LRRIQ1: variants seen among roughly 807,000 people sequenced by gnomAD.
LRRIQ1 encodes leucine-rich repeat- and IQ domain-containing protein 1.
In LRRIQ1, 210 loss-of-function variants were observed where a neutral mutation model predicts 211.9. The ratio of observed to expected loss-of-function variants is 0.99; its 90% CI spans 0.89 to 1.11. The LOEUF (loss-of-function observed/expected upper bound fraction) is 1.11, where lower values mean the gene tolerates loss of function less well. Among genes scored for constraint, LRRIQ1 ranks in the 50% most tolerant of loss-of-function variants. LRRIQ1 has a pLI of 0.00. For missense variants in LRRIQ1, 2,136 were observed against 1,939.5 expected, an observed-to-expected ratio of 1.10 and a Z score of -1.90; for synonymous variants, 699 against 650.1, an observed-to-expected ratio of 1.08 and a Z score of -1.14.
intron 24 of LRRIQ1, among the ~76,000 whole-genome samples, chr12:85,181,375 T>C (rs934138348): frequency 6.6e-6 from 1 of 151,914 alleles, no homozygotes; most frequent in Non-Finnish European, 1.5e-5. Context: ...CTTGTGAGTC[T>C]AGGATCTAAT....
chr12:85,252,170 G>C (rs564026695), intron 1 of LRRIQ1, among the ~76,000 whole-genome samples: 2 of 151,816 alleles, frequency 1.3e-5, no homozygotes, highest in African/African-American at 4.8e-5. Context: ...TCATATTAAA[G>C]CCCACAACCT....
intron 18 of LRRIQ1, among the ~76,000 whole-genome samples, chr12:85,128,433 C>T (rs1888534788): frequency 6.6e-6 from 1 of 152,062 alleles, no homozygotes; most frequent in African/African-American, 2.4e-5. Flanking sequence ...GACTCCATAT[C>T]TACAAAAAAT....
chr12:85,080,459 A>ATTT (rs1342339965), intron 11 of LRRIQ1, among the ~76,000 whole-genome samples: 4 of 151,526 alleles, frequency 2.6e-5, no homozygotes. Context: ...TATGAGATGT[A>ATTT]TGTCCTATAC....
intron 19 of LRRIQ1, among the ~76,000 whole-genome samples, chr12:85,140,271 T>C (rs1464684001): frequency 1.3e-5 from 2 of 151,340 alleles, no homozygotes; most frequent in African/African-American, 4.8e-5. Flanking sequence ...AAGAAGTCAG[T>C]TTCTCTTCTT....
intron 26 of LRRIQ1, among the ~76,000 whole-genome samples, chr12:85,238,047 T>C (rs1895273994): frequency 6.6e-6 from 1 of 151,794 alleles, no homozygotes; most frequent in Non-Finnish European, 1.5e-5. Context: ...AGGAAACAGA[T>C]TGAAATCTTA....
At chr12:85,096,158 T>C (rs147623913) in intron 11 of LRRIQ1, among the ~76,000 whole-genome samples, 3 of 152,264 alleles carry the variant, frequency 2.0e-5, no homozygotes, top group Non-Finnish European at 4.4e-5. Context: ...GTCTAAATTA[T>C]GTTTGGTTCT....
chr12:85,158,981 A>G (rs931370154), intron 23 of LRRIQ1, among the ~76,000 whole-genome samples: 8 of 151,632 alleles, frequency 5.3e-5, no homozygotes, highest in Non-Finnish European at 8.8e-5. Context: ...TTTTTTTTCT[A>G]TCTAAAAGTA....
At chr12:85,091,772 G>GAA (rs1885419882) in intron 11 of LRRIQ1, among the ~76,000 whole-genome samples, 1 of 152,068 alleles carries the variant, frequency 6.6e-6, no homozygotes, top group Non-Finnish European at 1.5e-5. Context: ...CACATTGCTT[G>GAA]CTTCTTAAAA....
In LRRIQ1 at chr12:85,109,638, A is replaced by C. The variant is rs77931491; in HGVS notation, c.3377+3023A>C. Among the ~76,000 whole-genome samples the C allele has an allele frequency of 4.0e-3, 610 of 152,234 alleles. 2 individuals carry two copies. Among genetic ancestry groups the C allele is most frequent in the African/African-American group, 0.014 (580 of 41,536 alleles). On this transcript the variant is annotated intron_variant, in intron 15 of 26. Coordinates refer to ENST00000393217, the MANE Select transcript of LRRIQ1 (RefSeq NM_001079910.2). ...CCAGCATCAGTCATCATCACCTGGAAACCCAGCAGAAATGCAGTATTTTTG... is the reference window on the plus strand; with the variant it reads ...CCAGCATCAGTCATCATCACCTGGACACCCAGCAGAAATGCAGTATTTTTG...
chr12:85,183,766 G>C (rs554610740), intron 24 of LRRIQ1, among the ~76,000 whole-genome samples: 1 of 152,076 alleles, frequency 6.6e-6, no homozygotes, highest in African/African-American at 2.4e-5. Flanking sequence ...CAACTGCCAA[G>C]GGAATTAAAC....
Position 85,106,533 on chromosome 12 carries a change from G to A in LRRIQ1, c.3295G>A (p.Ala1099Thr). 6.2e-7 allele frequency: 1 copy of A among 1,605,158 alleles called. No individual in the cohort carries two copies. Among genetic ancestry groups the A allele is most frequent in the Non-Finnish European group, 8.5e-7 (1 of 1,174,026 alleles). ...SHNCLSDLKS[A>T]IKWFDACYSL... ...TTTATTTTCTGTAGATCTTAAAAGT[G>A]CCATAAAATGGTTTGATGCATGCTA... is the stretch of plus-strand genomic sequence containing the variant. Residue 1099 changes from alanine (A) to threonine (T), a missense_variant, in exon 15 of 27, where the codon GCC (alanine) becomes ACC (threonine). Ala to Thr is a moderately conservative substitution (Grantham distance 58). Coordinates refer to ENST00000393217, the MANE Select transcript of LRRIQ1 (RefSeq NM_001079910.2).
chr12:85,143,956 T>G (rs1889716199), intron 19 of LRRIQ1, among the ~76,000 whole-genome samples: 1 of 151,564 alleles, frequency 6.6e-6, no homozygotes, highest in African/African-American at 2.4e-5. Context: ...ATGTGCAGCT[T>G]TGCTATATAG....
intron 17 of LRRIQ1, among the ~76,000 whole-genome samples, chr12:85,126,993 A>T (rs1888412408): frequency 6.6e-6 from 1 of 152,192 alleles, no homozygotes; most frequent in Admixed American, 6.5e-5. Context: ...TAGGTCAAGA[A>T]TTACTAATCT....
chr12:85,153,947 T>C, intron 22 of LRRIQ1, 65 bp from the exon 23 acceptor site: 3 of 1,112,066 alleles, frequency 2.7e-6, no homozygotes, highest in Non-Finnish European at 3.8e-6. Context: ...TGTCTATTTT[T>C]ATATGCATAT....
intron 16 of LRRIQ1, among the ~76,000 whole-genome samples, chr12:85,123,530 A>G (rs1460942725): frequency 6.6e-6 from 1 of 152,122 alleles, no homozygotes; most frequent in East Asian, 1.9e-4. Context: ...TAGAAATCCA[A>G]TCATTGTTCA....
At chr12:85,230,064 T>C (rs1441767525) in intron 25 of LRRIQ1, among the ~76,000 whole-genome samples, 1 of 152,208 alleles carries the variant, frequency 6.6e-6, no homozygotes, top group Non-Finnish European at 1.5e-5. Flanking sequence ...TTCATTTCAC[T>C]GATGCCCCAA....
At chr12:85,245,176 A>G, downstream of LRRIQ1, 1 of 488,240 alleles carries the variant, frequency 2.0e-6, no homozygotes, top group Non-Finnish European at 3.2e-6. Context: ...TGTGAATCAT[A>G]TTGAATTCTT....
Position 85,063,220 on chromosome 12 carries a change from A to ATT in LRRIQ1, c.2392-2031_2392-2030dup, listed in dbSNP as rs1032280065. On this transcript the variant is annotated intron_variant, in intron 8 of 26. Transcript: ENST00000393217. ...TAGTTTAATTAGGCCCCACTTGTCA[A>ATT]TTTTTTTTTTTTGTTGCAATTGCTT... is the stretch of plus-strand genomic sequence containing the variant. Among the ~76,000 whole-genome samples, 225 of 143,528 alleles carry ATT rather than the reference A, an allele frequency of 1.6e-3. 1 individual carries two copies. Among genetic ancestry groups the ATT allele is most frequent in the Non-Finnish European group, 3.0e-3 (195 of 65,134 alleles). The allele number at this position is 143,528 out of a possible 152,430, so 94.2% of individuals were successfully genotyped here. A position where few individuals can be genotyped will look rare whatever the true frequency, so the allele number is the denominator to read the frequency against.
Position 85,065,393 on chromosome 12 carries a change from A to T in LRRIQ1, c.2523A>T (p.Lys841Asn). 1 of 1,609,246 alleles carries T rather than the reference A, an allele frequency of 6.2e-7. No homozygotes were observed. Among genetic ancestry groups the T allele is most frequent in the East Asian group, 2.2e-5 (1 of 44,742 alleles). ...TSLHSLSNCK[K>N]LKYIDAQENH... ...TGCACAGCCTGAGTAATTGTAAAAA[A>T]CTTAAGTACATTGATGCACAGGTAT... The change falls in exon 9 of 27, where the codon AAA becomes AAT. Residue 841 changes from lysine to asparagine, a missense_variant. Physicochemically the swap from Lys to Asn is moderately conservative, Grantham distance 94. Coordinates refer to ENST00000393217, the MANE Select transcript of LRRIQ1 (RefSeq NM_001079910.2).
Sources: gnomAD v4.1 joint callset for allele counts (sites outside exome capture counted in the v4.1 genomes callset) on GRCh38, gnomAD v4.1.1 for gene constraint, MANE v1.5 for transcripts, NCBI Gene and HGNC (gene_info 2026-07-23, HGNC 2026-07-21) for gene names.